The following ACTN1 variants were observed in gnomAD, a reference collection of about 807,000 sequenced individuals.
ACTN1 encodes the protein actinin alpha 1, also known as alpha-actinin-1.
A neutral mutation model predicts 119.6 loss-of-function variants in ACTN1; 30 were observed. The ratio of observed to expected loss-of-function variants is 0.25; its 90% CI spans 0.19 to 0.34. The LOEUF (loss-of-function observed/expected upper bound fraction) is 0.34, where lower values mean the gene tolerates loss of function less well. Ranked by LOEUF, ACTN1 falls within the 10% of genes least tolerant of loss-of-function variation. ACTN1 has a pLI of 1.00. For synonymous variants in ACTN1, 429 were observed against 472.6 expected (o/e 0.91, Z 1.20); for missense variants, 764 against 1,223.4 (o/e 0.62, Z 5.60).
intron 1 of ACTN1, among the ~76,000 whole-genome samples, chr14:68,963,334 G>A (rs2036600647): frequency 1.3e-5 from 2 of 152,170 alleles, no homozygotes; most frequent in African/African-American, 4.8e-5. Context: ...TAGAGACAGA[G>A]ACCATGCATC....
At chr14:68,914,221 A>G (rs141245681) in intron 3 of ACTN1, among the ~76,000 whole-genome samples, 1 of 151,922 alleles carries the variant, frequency 6.6e-6, no homozygotes, top group Admixed American at 6.5e-5. Context: ...AATAAAATAA[A>G]AAAGTAAAGG....
chr14:68,882,589 G>C lies in ACTN1; in HGVS notation c.1822C>G (p.Arg608Gly). Reference sequence around the variant, plus strand: ...TGGTCCCTCCGAGGCACCAGCTGCCGCACCTGGGGCAGGAACAACAAGGCG... The same window carrying C: ...TGGTCCCTCCGAGGCACCAGCTGCCCCACCTGGGGCAGGAACAACAAGGCG... The part of the protein sequence containing the change: ...QEINGKWDHV[R>G]QLVPRRDQAL... Residue 608 changes from arginine (R) to glycine (G), a missense_variant, in exon 16 of 22, where the codon CGG (arginine) becomes GGG (glycine). Arg to Gly is a moderately radical substitution (Grantham distance 125, BLOSUM62 -2). This residue lies in a region of ACTN1 where 544 missense variants were observed against 912.0 expected (regional missense o/e 0.60). Coordinates refer to ENST00000394419, the MANE Select transcript of ACTN1 (RefSeq NM_001130004.2). This position sits in a 1 kb window ranked among gnomAD's most constrained non-coding sequence, Gnocchi z 4.5. 1 of 1,614,052 alleles carries C rather than the reference G, an allele frequency of 6.2e-7. No individual in the cohort carries two copies. The highest frequency in any genetic ancestry group is 1.3e-5 in the African/African-American group (1 of 75,050).
intron 1 of ACTN1, among the ~76,000 whole-genome samples, chr14:68,939,099 C>T (rs2035669579): frequency 6.6e-6 from 1 of 152,218 alleles, no homozygotes; most frequent in African/African-American, 2.4e-5. Flanking sequence ...ATCTGGCCTC[C>T]CTGCCATCCA....
intron 11 of ACTN1, chr14:68,886,495 T>C (rs1187049761): frequency 6.6e-6 from 1 of 152,226 alleles, no homozygotes; most frequent in Non-Finnish European, 1.5e-5. Context: ...GCTTTTAAAA[T>C]ATTTAGCAGC....
chr14:68,917,013 C>A (rs1169146005), intron 3 of ACTN1, among the ~76,000 whole-genome samples: 1 of 152,152 alleles, frequency 6.6e-6, no homozygotes, highest in Non-Finnish European at 1.5e-5. Context: ...TGCTACCTCA[C>A]TGAGCCCACC....
chr14:68,926,571 G>T (rs771847647), intron 1 of ACTN1, among the ~76,000 whole-genome samples: 6 of 152,192 alleles, frequency 3.9e-5, no homozygotes, highest in Non-Finnish European at 8.8e-5. Flanking sequence ...CCATTCATTG[G>T]CAACTCCAGA....
Position 68,925,529 on chromosome 14 carries a change from A to G in ACTN1, c.220+29T>C. 6.3e-7 allele frequency: 1 copy of G among 1,583,540 alleles called. No individual in the cohort carries two copies. The highest frequency in any genetic ancestry group is 2.2e-5 in the East Asian group (1 of 44,546). On this transcript the variant is annotated intron_variant, in intron 2 of 21. Coordinates refer to ENST00000394419, the MANE Select transcript of ACTN1 (RefSeq NM_001130004.2). This position sits in a 1 kb window ranked among gnomAD's most constrained non-coding sequence, Gnocchi z 4.3. Reference sequence around the variant, plus strand: ...GTGTCAGGCAGCACCAATAGACAGTATCTCGTCCTGGGCCAGGTTCCGCCT... The same window carrying G: ...GTGTCAGGCAGCACCAATAGACAGTGTCTCGTCCTGGGCCAGGTTCCGCCT...
At chr14:68,911,183 T>TA (rs2033986213) in intron 4 of ACTN1, among the ~76,000 whole-genome samples, 1 of 152,224 alleles carries the variant, frequency 6.6e-6, no homozygotes, top group Non-Finnish European at 1.5e-5. Flanking sequence ...GCAGACAATT[T>TA]AAAAATTGGA....
chr14:68,879,173 G>C lies in ACTN1; in HGVS notation c.2281-104C>G, dbSNP rs2031247678. 3 of 526,048 alleles carry C rather than the reference G, an allele frequency of 5.7e-6. No homozygotes were observed. Among genetic ancestry groups the C allele is most frequent in the Non-Finnish European group, 9.1e-6 (3 of 329,098 alleles). 32.6% of individuals were successfully genotyped at this position (526,048 alleles called of 1,614,324 possible). ...GGGTGGCGTGTGTGGGGAGACACAG[G>C]GACAGGCATGCGGAGGGAGGGTGGG... On this transcript the variant is annotated intron_variant, in intron 18 of 21. Coordinates refer to ENST00000394419, the MANE Select transcript of ACTN1 (RefSeq NM_001130004.2). The surrounding 1 kb of genome is among the most constrained non-coding windows in gnomAD (Gnocchi z 4.9).
intron 3 of ACTN1, among the ~76,000 whole-genome samples, chr14:68,912,907 C>G (rs2034088066): frequency 6.6e-6 from 1 of 152,094 alleles, no homozygotes; most frequent in Non-Finnish European, 1.5e-5. Context: ...CTGGGGCTCT[C>G]TGGGCAATCA....
chr14:68,954,374 C>A (rs1048300398), intron 1 of ACTN1, among the ~76,000 whole-genome samples: 1 of 152,148 alleles, frequency 6.6e-6, no homozygotes, highest in Admixed American at 6.5e-5. Flanking sequence ...TTCACCCAAG[C>A]TGGAGTGCAG....
At chr14:68,895,232 A>T (rs1040711987) in intron 8 of ACTN1, among the ~76,000 whole-genome samples, 1 of 152,044 alleles carries the variant, frequency 6.6e-6, no homozygotes, top group Non-Finnish European at 1.5e-5. Flanking sequence ...AGAAACTGAG[A>T]CAGGGAGTCA....
chr14:68,915,358 T>C (rs2034233389), intron 3 of ACTN1, among the ~76,000 whole-genome samples: 1 of 151,554 alleles, frequency 6.6e-6, no homozygotes, highest in Non-Finnish European at 1.5e-5. Context: ...CCCTGCCTCC[T>C]GCCAGTTTCA....
At chr14:68,946,578 G>A (rs1224549677) in intron 1 of ACTN1, among the ~76,000 whole-genome samples, 1 of 152,094 alleles carries the variant, frequency 6.6e-6, no homozygotes, top group Non-Finnish European at 1.5e-5. Context: ...AGCCCCTCCC[G>A]CTGGGTCCAT....
intron 8 of ACTN1, among the ~76,000 whole-genome samples, chr14:68,901,735 A>G (rs61985083): frequency 0.12 from 18,293 of 152,230 alleles, 1,213 homozygotes; most frequent in Non-Finnish European, 0.14. Flanking sequence ...CAATGTCCAC[A>G]GCATGGACAG....
chr14:68,909,044 T>C lies in ACTN1; in HGVS notation c.594+274A>G, dbSNP rs1179707228. 2.0e-5 allele frequency among the ~76,000 whole-genome samples: 3 copies of C among 152,206 alleles called. No individual in the cohort carries two copies. Among genetic ancestry groups the C allele is most frequent in the African/African-American group, 7.2e-5 (3 of 41,454 alleles). ...GGGAGAAACACCATGTATCATTCCA[T>C]CCCTCTGACAAAGCTGCTGTCACAG... is the stretch of plus-strand genomic sequence containing the variant. On this transcript the variant is annotated intron_variant, in intron 6 of 21. Coordinates refer to ENST00000394419, the MANE Select transcript of ACTN1 (RefSeq NM_001130004.2). This position sits in a 1 kb window ranked among gnomAD's most constrained non-coding sequence, Gnocchi z 4.1.
chr14:68,968,625 A>G (rs925152206), intron 1 of ACTN1, among the ~76,000 whole-genome samples: 2 of 152,254 alleles, frequency 1.3e-5, no homozygotes, highest in African/African-American at 4.8e-5. Context: ...TCGCAACTCT[A>G]CAAGGTACTC....
intron 1 of ACTN1, among the ~76,000 whole-genome samples, chr14:68,951,033 A>G (rs758754986): frequency 5.3e-5 from 8 of 152,188 alleles, no homozygotes; most frequent in Non-Finnish European, 1.0e-4. Flanking sequence ...CAGAAGGCCA[A>G]GAAACTCTCC....
intron 1 of ACTN1, among the ~76,000 whole-genome samples, chr14:68,930,709 T>C (rs1438722272): frequency 5.9e-5 from 9 of 152,248 alleles, no homozygotes; most frequent in African/African-American, 2.2e-4. Flanking sequence ...GACATGGCTC[T>C]GCCTTAAGGC....
Sources: allele counts gnomAD v4.1 joint callset (sites outside exome capture counted in the v4.1 genomes callset), GRCh38; gene constraint gnomAD v4.1.1; regional missense constraint gnomAD v4.1.1; non-coding constraint Gnocchi (gnomAD v3.1); transcripts MANE v1.5; gene names NCBI Gene and HGNC (gene_info 2026-07-23, HGNC 2026-07-21).